Variants in ADAMTSL1 observed in about 807,000 individuals in gnomAD.
The protein encoded by ADAMTSL1 is ADAMTS-like protein 1.
Under a neutral mutation model 201.8 loss-of-function variants are expected in ADAMTSL1, and 126 were observed. The ratio of observed to expected loss-of-function variants is 0.62; its 90% CI spans 0.54 to 0.72. ADAMTSL1 has a LOEUF of 0.72. ADAMTSL1 is among the 30% of genes least tolerant of loss of function. The pLI is 0.00. For synonymous variants in ADAMTSL1, 1,121 were observed against 903.4 expected (o/e 1.24, Z -4.32); for missense variants, 2,679 against 2,277.8 (o/e 1.18, Z -3.59).
At position 18,378,211 on chromosome 9, in the gene ADAMTSL1, C is replaced by T. The variant is rs1241277373; in HGVS notation, c.208-126618C>T. 2.0e-5 allele frequency among the ~76,000 whole-genome samples: 3 copies of T among 152,168 alleles called. No homozygotes were observed. In the East Asian group the frequency reaches 5.8e-4, roughly 29 times the overall value. ...TCTGCCTTTGACCTAGGAAATAAGGCTTTAACCAAATTAAAATGCAAGGAT... is the reference window on the plus strand; with the variant it reads ...TCTGCCTTTGACCTAGGAAATAAGGTTTTAACCAAATTAAAATGCAAGGAT... On this transcript the variant is annotated intron_variant, in intron 2 of 29. Transcript: ENST00000680146.
At chr9:18,038,045 G>A (rs1821275674) in intron 1 of ADAMTSL1, among the ~76,000 whole-genome samples, 1 of 152,132 alleles carries the variant, frequency 6.6e-6, no homozygotes, top group Non-Finnish European at 1.5e-5. Flanking sequence ...AGAGCACTTG[G>A]GAAAGTGTGA....
intron 2 of ADAMTSL1, among the ~76,000 whole-genome samples, chr9:18,253,984 C>T (rs1831570138): frequency 6.6e-6 from 1 of 152,186 alleles, no homozygotes; most frequent in Non-Finnish European, 1.5e-5. Flanking sequence ...AATTCACGTG[C>T]TGACCCATCT....
At chr9:18,245,990 G>A (rs1369976324) in intron 2 of ADAMTSL1, among the ~76,000 whole-genome samples, 1 of 152,022 alleles carries the variant, frequency 6.6e-6, no homozygotes, top group Non-Finnish European at 1.5e-5. Flanking sequence ...AAAAAGAATG[G>A]CGAATTGTTG....
intron 1 of ADAMTSL1, among the ~76,000 whole-genome samples, chr9:18,163,532 A>G (rs144952221): frequency 0.011 from 1,652 of 152,086 alleles, 28 homozygotes; most frequent in African/African-American, 0.037. Context: ...ATATGAGTTC[A>G]GATCCATGGA....
At chr9:17,979,481 C>T (rs578070607) in intron 1 of ADAMTSL1, among the ~76,000 whole-genome samples, 218 of 151,952 alleles carry the variant, frequency 1.4e-3, no homozygotes, top group African/African-American at 5.2e-3. Flanking sequence ...TATTATTACT[C>T]TCTATTGCAT....
chr9:18,180,739 C>T (rs1163052120), intron 2 of ADAMTSL1, among the ~76,000 whole-genome samples: 3 of 151,990 alleles, frequency 2.0e-5, no homozygotes, highest in Non-Finnish European at 4.4e-5. Context: ...CAATGCCATC[C>T]CCATCAAGCT....
intron 15 of ADAMTSL1, among the ~76,000 whole-genome samples, chr9:18,729,269 T>C (rs1015425945): frequency 6.6e-6 from 1 of 152,172 alleles, no homozygotes; most frequent in African/African-American, 2.4e-5. Flanking sequence ...TTGAAGGTAA[T>C]GATAATTATC....
At chr9:18,841,946 T>G (rs910283636) in intron 23 of ADAMTSL1, among the ~76,000 whole-genome samples, 26 of 152,002 alleles carry the variant, frequency 1.7e-4, no homozygotes, top group African/African-American at 5.8e-4. Context: ...TTATTAGTCT[T>G]GCTAGCGGTC....
intron 2 of ADAMTSL1, among the ~76,000 whole-genome samples, chr9:18,182,054 C>T (rs575133472): frequency 3.3e-5 from 5 of 150,306 alleles, no homozygotes; most frequent in East Asian, 2.0e-4. Flanking sequence ...AACCAAACAC[C>T]GCATATTCTC....
intron 20 of ADAMTSL1, among the ~76,000 whole-genome samples, chr9:18,810,315 G>C (rs1823422319): frequency 6.6e-6 from 1 of 152,258 alleles, no homozygotes; most frequent in Non-Finnish European, 1.5e-5. Context: ...TCAAGTTTCT[G>C]CCCTTGAACA....
chr9:18,474,042 G>C (rs891785697), upstream of ADAMTSL1: 6 of 537,632 alleles, frequency 1.1e-5, no homozygotes, highest in Middle Eastern at 4.7e-4. Flanking sequence ...TGCCTGCTCC[G>C]AGAGAGATTC....
At chr9:17,918,940 G>T (rs1202556303) in intron 1 of ADAMTSL1, among the ~76,000 whole-genome samples, 2 of 151,760 alleles carry the variant, frequency 1.3e-5, no homozygotes, top group Admixed American at 1.3e-4. Context: ...TCTATCCCTA[G>T]TAATGGTCTG....
intron 23 of ADAMTSL1, among the ~76,000 whole-genome samples, chr9:18,885,921 G>A (rs1828822674): frequency 6.6e-6 from 1 of 151,714 alleles, no homozygotes; most frequent in Admixed American, 6.6e-5. Flanking sequence ...TTCCTCTAGT[G>A]GTGAACTAGA....
At chr9:18,741,240 T>G (rs1489326194) in intron 15 of ADAMTSL1, among the ~76,000 whole-genome samples, 1 of 152,124 alleles carries the variant, frequency 6.6e-6, no homozygotes, top group Non-Finnish European at 1.5e-5. Context: ...TCCCAATCAT[T>G]CAGCATAATT....
intron 7 of ADAMTSL1, chr9:18,651,528 C>G (rs558379392): frequency 5.3e-4 from 80 of 152,318 alleles, no homozygotes; most frequent in African/African-American, 1.9e-3. Flanking sequence ...AAAATAATAG[C>G]AAACTCAGAG....
chr9:18,000,851 T>C (rs1255694733), intron 1 of ADAMTSL1, among the ~76,000 whole-genome samples: 1 of 152,032 alleles, frequency 6.6e-6, no homozygotes, highest in Non-Finnish European at 1.5e-5. Context: ...AAATCTCTTC[T>C]GGGGTAAAAC....
chr9:18,659,018 T>C (rs1828891761), intron 8 of ADAMTSL1, among the ~76,000 whole-genome samples: 2 of 152,204 alleles, frequency 1.3e-5, no homozygotes, highest in African/African-American at 4.8e-5. Context: ...ACTGAGTCAG[T>C]GTTTGTGGAT....
chr9:18,818,609 T>C (rs1321618234), intron 21 of ADAMTSL1, among the ~76,000 whole-genome samples: 1 of 152,006 alleles, frequency 6.6e-6, no homozygotes, highest in African/African-American at 2.4e-5. Context: ...CTAGGCAACA[T>C]GGCAAAACCT....
At chr9:18,795,641 G>T (rs1822377596) in intron 20 of ADAMTSL1, 117 bp downstream of exon 20, 6 of 1,151,166 alleles carry the variant, frequency 5.2e-6, no homozygotes, top group Non-Finnish European at 7.2e-6. Context: ...CCATCTTCAG[G>T]GAGTTTGTAA....
Sources: allele counts gnomAD v4.1 joint callset (sites outside exome capture counted in the v4.1 genomes callset), GRCh38; gene constraint gnomAD v4.1.1; transcripts MANE v1.5; gene names NCBI Gene and HGNC (gene_info 2026-07-23, HGNC 2026-07-21).